Variants in ABCA13 observed in about 807,000 individuals in gnomAD.
ABCA13 encodes ATP binding cassette subfamily A member 13.
A neutral mutation model predicts 478.7 loss-of-function variants in ABCA13; 476 were observed. That is an observed-to-expected ratio of 0.99 (90% confidence interval 0.92 to 1.07). The LOEUF is 1.07. Ranked by LOEUF, ABCA13 falls within the 50% of genes least tolerant of loss-of-function variation. ABCA13 has a pLI of 0.00. For missense variants in ABCA13, 6,060 were observed against 5,910.6 expected, an observed-to-expected ratio of 1.03 and a Z score of -0.83; for synonymous variants, 2,252 against 2,158.9, an observed-to-expected ratio of 1.04 and a Z score of -1.20.
intron 59 of ABCA13, among the ~76,000 whole-genome samples, chr7:48,640,111 G>T (rs1054200485): frequency 6.6e-6 from 1 of 151,976 alleles, no homozygotes; most frequent in African/African-American, 2.4e-5. Flanking sequence ...TTTCTATTTT[G>T]CACTTAATAT....
intron 8 of ABCA13, among the ~76,000 whole-genome samples, chr7:48,234,648 G>T (rs1042539350): frequency 2.0e-5 from 3 of 152,220 alleles, no homozygotes; most frequent in Admixed American, 6.5e-5. Flanking sequence ...AGTTGGACTG[G>T]ATGATCGATC....
chr7:48,542,395 T>C (rs1833999432), intron 55 of ABCA13, among the ~76,000 whole-genome samples: 1 of 151,744 alleles, frequency 6.6e-6, no homozygotes, highest in Non-Finnish European at 1.5e-5. Flanking sequence ...TAGCATTTTC[T>C]GGAATTTAAG....
intron 27 of ABCA13, among the ~76,000 whole-genome samples, chr7:48,332,924 T>C (rs1223868827): frequency 6.6e-6 from 1 of 152,198 alleles, no homozygotes; most frequent in Non-Finnish European, 1.5e-5. Context: ...TAGATTTCTC[T>C]CAGTTTATCA....
At position 48,278,496 on chromosome 7, in the gene ABCA13, T is replaced by C. The variant is rs1562952272; in HGVS notation, c.7302T>C (p.Pro2434=). The C allele has an allele frequency of 6.2e-7, 1 of 1,613,988 alleles. No individual in the cohort carries two copies. The highest frequency in any genetic ancestry group is 1.1e-5 in the South Asian group (1 of 91,088). The change falls in exon 18 of 62, where the codon CCT becomes CCC. Residue 2434 remains proline (P), a synonymous_variant. Transcript: ENST00000435803. ...ARLLDTILHS[P]NKDFYALYPT... ...TTCTGGATACAATTTTACACTCTCCTAATAAGGACTTCTATGCTTTGTATC... is the reference window on the plus strand; with the variant it reads ...TTCTGGATACAATTTTACACTCTCCCAATAAGGACTTCTATGCTTTGTATC...
intron 8 of ABCA13, 100 bp downstream of exon 8, chr7:48,234,251 C>G: frequency 6.5e-7 from 1 of 1,550,012 alleles, no homozygotes; most frequent in Non-Finnish European, 8.9e-7. Context: ...ACGGGAGAGG[C>G]AGCCAGACAG....
At chr7:48,643,191 ACTTC>A in intron 59 of ABCA13, 93 bp from the exon 60 acceptor site, 1 of 734,616 alleles carries the variant, frequency 1.4e-6, no homozygotes, top group Non-Finnish European at 2.3e-6. Flanking sequence ...TGGAGTAATT[ACTTC>A]CTTTTTCTCC....
intron 55 of ABCA13, among the ~76,000 whole-genome samples, chr7:48,564,028 TC>T (rs1198961576): frequency 1.3e-5 from 2 of 152,084 alleles, no homozygotes; most frequent in African/African-American, 4.8e-5. Flanking sequence ...ACATGTCATC[TC>T]CTCTCTTTCT....
chr7:48,213,384 G>A (rs1785967308), intron 3 of ABCA13, among the ~76,000 whole-genome samples: 1 of 152,180 alleles, frequency 6.6e-6, no homozygotes, highest in Non-Finnish European at 1.5e-5. Flanking sequence ...AGTCTGTTAA[G>A]TGTGCAATAG....
intron 21 of ABCA13, 114 bp from the exon 22 acceptor site, chr7:48,297,118 A>T (rs1202004445): frequency 1.2e-6 from 1 of 863,528 alleles, no homozygotes; most frequent in African/African-American, 1.7e-5. Flanking sequence ...CTTTATGGAA[A>T]TGTGATCTTG....
intron 27 of ABCA13, among the ~76,000 whole-genome samples, chr7:48,324,218 T>C (rs925248106): frequency 2.0e-5 from 3 of 152,034 alleles, no homozygotes; most frequent in Non-Finnish European, 4.4e-5. Context: ...GCAGGACTGG[T>C]TTTTCCTGGG....
chr7:48,401,956 T>G (rs568534665), intron 38 of ABCA13, among the ~76,000 whole-genome samples: 1 of 152,326 alleles, frequency 6.6e-6, no homozygotes, highest in Admixed American at 6.5e-5. Flanking sequence ...TTGCATAAAT[T>G]TGATTGTAGA....
At chr7:48,572,129 G>A (rs1320535146) in intron 55 of ABCA13, among the ~76,000 whole-genome samples, 3 of 152,156 alleles carry the variant, frequency 2.0e-5, no homozygotes, top group African/African-American at 4.8e-5. Flanking sequence ...GCAGTGAGCC[G>A]AGACCGTGCC....
At chr7:48,441,510 A>C (rs1183328257) in intron 42 of ABCA13, among the ~76,000 whole-genome samples, 2 of 152,182 alleles carry the variant, frequency 1.3e-5, no homozygotes, top group Admixed American at 1.3e-4. Flanking sequence ...GATGAAGACA[A>C]AATAAAATAT....
intron 25 of ABCA13, 47 bp from the exon 26 acceptor site, chr7:48,314,185 G>T (rs1175586893): frequency 1.9e-6 from 3 of 1,583,282 alleles, no homozygotes; most frequent in South Asian, 1.2e-5. Context: ...TGAAGGAATT[G>T]TTTTAAGTCA....
At chr7:48,253,926 C>CGT (rs1187982736) in intron 15 of ABCA13, among the ~76,000 whole-genome samples, 2 of 150,414 alleles carry the variant, frequency 1.3e-5, no homozygotes, top group Non-Finnish European at 3.0e-5. Flanking sequence ...ACTGTACTTA[C>CGT]GTGTGTGTGT....
intron 57 of ABCA13, among the ~76,000 whole-genome samples, chr7:48,590,917 T>C (rs1413958272): frequency 6.6e-6 from 1 of 152,120 alleles, no homozygotes; most frequent in African/African-American, 2.4e-5. Context: ...TCCCCCGCTG[T>C]AGTTTGTCTG....
Position 48,272,678 on chromosome 7 carries a change from C to T in ABCA13, c.3012C>T (p.Phe1004=). The T allele has an allele frequency of 6.2e-7, 1 of 1,612,624 alleles. No individual in the cohort carries two copies. The highest frequency in any genetic ancestry group is 1.7e-5 in the Admixed American group (1 of 59,816). ...HILDIIKQFN[F]QNISKAFAFL... ...TGGATATCATAAAACAATTTAATTT[C>T]CAAAACATCAGTAAAGCATTTGCAT... The change falls in exon 17 of 62, where the codon TTC becomes TTT. Residue 1004 remains phenylalanine, a synonymous_variant. Transcript: ENST00000435803.
chr7:48,401,726 T>A (rs1817631811), intron 38 of ABCA13, among the ~76,000 whole-genome samples: 1 of 119,562 alleles, frequency 8.4e-6, no homozygotes, highest in African/African-American at 3.1e-5. Context: ...CTACTGCTCT[T>A]GGCTTCAAGA....
intron 40 of ABCA13, among the ~76,000 whole-genome samples, chr7:48,411,757 C>T (rs1052165203): frequency 2.6e-5 from 4 of 152,092 alleles, no homozygotes; most frequent in African/African-American, 9.7e-5. Flanking sequence ...CTGTGTCAAC[C>T]GGGGGCAGGA....
Sources: allele counts gnomAD v4.1 joint callset (sites outside exome capture counted in the v4.1 genomes callset), GRCh38; gene constraint gnomAD v4.1.1; transcripts MANE v1.5; gene names NCBI Gene and HGNC (gene_info 2026-07-23, HGNC 2026-07-21).